PRELID2: variants seen among roughly 807,000 people sequenced by gnomAD.
The protein encoded by PRELID2 is PRELI domain-containing protein 2.
In PRELID2, 25 loss-of-function variants were observed where a neutral mutation model predicts 28.4. That is an observed-to-expected ratio of 0.88 (90% CI 0.64 to 1.23). The LOEUF is 1.23. PRELID2 is among the 50% of genes most tolerant of loss of function. PRELID2 has a pLI of 0.00. For missense variants in PRELID2, 201 were observed against 214.4 expected, an observed-to-expected ratio of 0.94 and a Z score of 0.39; for synonymous variants, 76 against 71.6, an observed-to-expected ratio of 1.06 and a Z score of -0.31.
At chr5:145,410,581 C>G in the PRELID2 span, among the ~76,000 whole-genome samples, 3 of 152,094 alleles carry the variant, frequency 2.0e-5, no homozygotes, top group African/African-American at 7.2e-5. Flanking sequence ...AGAATGAGTT[C>G]TGATTGAAGG....
intron 1 of PRELID2, among the ~76,000 whole-genome samples, chr5:145,476,384 C>T (rs1752101284): frequency 6.6e-6 from 1 of 152,198 alleles, no homozygotes; most frequent in African/African-American, 2.4e-5. Flanking sequence ...GTGGCTCACG[C>T]CTGTAATTCC....
chr5:145,474,694 T>C (rs1183287514), intron 1 of PRELID2, among the ~76,000 whole-genome samples: 3 of 152,180 alleles, frequency 2.0e-5, no homozygotes, highest in Non-Finnish European at 2.9e-5. Context: ...CCTGATTATA[T>C]AGTTATTCGG....
In PRELID2 at chr5:145,679,327, C is replaced by T. The variant is rs552356548; in HGVS notation, n.70+85604G>A. Among the ~76,000 whole-genome samples the T allele has an allele frequency of 2.0e-5, 3 of 152,336 alleles. No individual in the cohort carries two copies. In the South Asian group the frequency reaches 6.2e-4, roughly 32 times the overall value. ...GGGTTGTCATGTAGGAATCTGGAAA[C>T]TTCTGCTTTAGTCTCTGAAACTCAA... is the stretch of plus-strand genomic sequence containing the variant. On this transcript the variant is annotated intron_variant and non_coding_transcript_variant, in intron 1 of 2. Coordinates refer to the PRELID2 transcript ENST00000510259.
chr5:145,296,172 G>GT, the PRELID2 span, among the ~76,000 whole-genome samples: 27 of 150,718 alleles, frequency 1.8e-4, no homozygotes, highest in African/African-American at 5.8e-4. Context: ...GGTTTTTTTT[G>GT]GTTTTTTTAT....
chr5:145,313,637 A>AAGAG, the PRELID2 span, among the ~76,000 whole-genome samples: 18 of 152,180 alleles, frequency 1.2e-4, no homozygotes, highest in Non-Finnish European at 5.9e-5. Context: ...CTGGAACTGC[A>AAGAG]AGAGAGAGGA....
At chr5:145,522,420 A>AC (rs1752570758) in intron 1 of PRELID2, among the ~76,000 whole-genome samples, 2 of 151,972 alleles carry the variant, frequency 1.3e-5, no homozygotes, top group Middle Eastern at 3.2e-3. Context: ...CACACACGAG[A>AC]GAGAGAGAGA....
chr5:145,624,994 T>C (rs1753823628), intron 1 of PRELID2, among the ~76,000 whole-genome samples: 1 of 152,138 alleles, frequency 6.6e-6, no homozygotes, highest in Non-Finnish European at 1.5e-5. Flanking sequence ...TCAACCTCAT[T>C]AGTAGTCAGG....
downstream of PRELID2, among the ~76,000 whole-genome samples, chr5:145,467,265 C>G (rs1419909265): frequency 6.6e-6 from 1 of 152,152 alleles, no homozygotes; most frequent in African/African-American, 2.4e-5. Flanking sequence ...CCCACCAGCA[C>G]TGGAAGCCTC....
intron 1 of PRELID2, among the ~76,000 whole-genome samples, chr5:145,483,245 C>T (rs531676156): frequency 6.6e-6 from 1 of 152,226 alleles, no homozygotes; most frequent in Admixed American, 6.5e-5. Context: ...GGCCCTGGGA[C>T]TTGCTCAAGC....
the PRELID2 span, among the ~76,000 whole-genome samples, chr5:145,251,152 A>T: frequency 1.3e-5 from 2 of 152,084 alleles, no homozygotes; most frequent in Admixed American, 6.6e-5. Flanking sequence ...TTTCTTGATG[A>T]CCCCAGTAGT....
chr5:145,321,617 T>C, the PRELID2 span, among the ~76,000 whole-genome samples: 2 of 152,236 alleles, frequency 1.3e-5, no homozygotes, highest in African/African-American at 4.8e-5. Flanking sequence ...TATTTTGTTT[T>C]ATTGGACATA....
In PRELID2 at chr5:145,812,587, A is replaced by G. The variant is rs146609344; in HGVS notation, c.368+5307T>C. 7.2e-5 allele frequency among the ~76,000 whole-genome samples: 11 copies of G among 152,364 alleles called. No individual in the cohort carries two copies. In the East Asian group the frequency reaches 2.1e-3, roughly 29 times the overall value. On this transcript the variant is annotated intron_variant, in intron 4 of 6. Coordinates refer to ENST00000683046, the MANE Select transcript of PRELID2 (RefSeq NM_205846.3). The stretch of plus-strand genomic sequence containing the variant: ...CACACACATATACATACATACATCA[A>G]GCACTTAGAGCAGAGCCTGCACATA...
the PRELID2 span, among the ~76,000 whole-genome samples, chr5:145,287,416 C>A: frequency 6.6e-6 from 1 of 151,970 alleles, no homozygotes; most frequent in Non-Finnish European, 1.5e-5. Flanking sequence ...GATCTGATAA[C>A]CAAGGTAGCT....
the PRELID2 span, among the ~76,000 whole-genome samples, chr5:145,435,211 G>A: frequency 1.1e-3 from 160 of 152,262 alleles, 1 homozygote; most frequent in African/African-American, 3.7e-3. Context: ...AGTGACAAAT[G>A]CAATAGAAAA....
chr5:145,514,770 CA>C (rs1042792810), intron 1 of PRELID2, among the ~76,000 whole-genome samples: 4 of 147,378 alleles, frequency 2.7e-5, no homozygotes, highest in Admixed American at 6.7e-5. Context: ...TTAGCAAATG[CA>C]AAAAAAAAGA....
intron 1 of PRELID2, among the ~76,000 whole-genome samples, chr5:145,489,101 T>C (rs562953551): frequency 1.3e-5 from 2 of 152,322 alleles, no homozygotes; most frequent in Non-Finnish European, 2.9e-5. Flanking sequence ...CTATGAGTGA[T>C]GGCATCATTC....
At chr5:145,561,237 A>T (rs1377105960) in intron 1 of PRELID2, among the ~76,000 whole-genome samples, 1 of 152,192 alleles carries the variant, frequency 6.6e-6, no homozygotes, top group Non-Finnish European at 1.5e-5. Context: ...CTTTGAATGC[A>T]AATACATATT....
chr5:145,736,284 T>C (rs1307645218), intron 1 of PRELID2, among the ~76,000 whole-genome samples: 1 of 152,196 alleles, frequency 6.6e-6, no homozygotes, highest in Non-Finnish European at 1.5e-5. Flanking sequence ...TGCTCTTTAA[T>C]GTTTCAATTG....
chr5:145,694,616 CTG>C (rs1303261776), intron 1 of PRELID2, among the ~76,000 whole-genome samples: 2 of 152,052 alleles, frequency 1.3e-5, no homozygotes, highest in Non-Finnish European at 2.9e-5. Context: ...TAGTTTTTGA[CTG>C]TTGTTTTGTT....
Sources: allele counts gnomAD v4.1 joint callset (sites outside exome capture counted in the v4.1 genomes callset), GRCh38; gene constraint gnomAD v4.1.1; transcripts MANE v1.5; gene names NCBI Gene and HGNC (gene_info 2026-07-23, HGNC 2026-07-21).